ERP44: variants seen among roughly 807,000 people sequenced by gnomAD.
ERP44 encodes endoplasmic reticulum protein 44, also known as endoplasmic reticulum resident protein 44.
ERP44 carries 25 observed loss-of-function variants against 53.4 expected under a neutral mutation model. The ratio of observed to expected loss-of-function variants is 0.47; its 90% CI spans 0.34 to 0.65. The LOEUF (loss-of-function observed/expected upper bound fraction) is 0.65. Among genes scored for constraint, ERP44 ranks in the 30% least tolerant of loss-of-function variants. The pLI is 0.01. For synonymous variants in ERP44, 145 were observed against 161.2 expected, an observed-to-expected ratio of 0.90 and a Z score of 0.76; for missense variants, 338 against 493.2, an observed-to-expected ratio of 0.69 and a Z score of 2.98.
At chr9:100,028,355 T>A (rs1830675672) in intron 4 of ERP44, among the ~76,000 whole-genome samples, 3 of 152,170 alleles carry the variant, frequency 2.0e-5, no homozygotes, top group Non-Finnish European at 4.4e-5. Flanking sequence ...ACTTTCTAGA[T>A]TCAAGGCAGC....
intron 4 of ERP44, among the ~76,000 whole-genome samples, chr9:100,037,983 A>G (rs1215556796): frequency 1.3e-5 from 2 of 152,204 alleles, no homozygotes; most frequent in East Asian, 3.8e-4. Flanking sequence ...ATAGTGGGAT[A>G]ACATCCCACT....
Position 100,016,478 on chromosome 9 carries a change from G to T in ERP44, c.646-40C>A, listed in dbSNP as rs1403178946. 7.1e-6 allele frequency: 11 copies of T among 1,547,274 alleles called. 1 individual carries two copies. In the South Asian group the frequency reaches 1.4e-4, roughly 19 times the overall value. On this transcript the variant is annotated intron_variant, in intron 7 of 11. Coordinates refer to ENST00000262455, the MANE Select transcript of ERP44 (RefSeq NM_015051.3). The stretch of plus-strand genomic sequence containing the variant: ...AAAAAAAAAATTAAATCTAACCTGT[G>T]CTGGCAAAAGTATATTCTTATTTTT...
chr9:100,089,169 T>A (rs913650372), intron 1 of ERP44, among the ~76,000 whole-genome samples: 5 of 152,228 alleles, frequency 3.3e-5, no homozygotes, highest in Non-Finnish European at 7.3e-5. Context: ...ACTGCAGACA[T>A]AACCCGCCCC....
At chr9:100,060,609 G>C (rs903405887) in intron 1 of ERP44, among the ~76,000 whole-genome samples, 1 of 152,156 alleles carries the variant, frequency 6.6e-6, no homozygotes, top group Non-Finnish European at 1.5e-5. Flanking sequence ...ATGCAAGAAA[G>C]ACTTTTGCAA....
chr9:100,018,351 A>G, intron 6 of ERP44, 38 bp from the exon 7 acceptor site: 1 of 1,267,798 alleles, frequency 7.9e-7, no homozygotes, highest in South Asian at 1.2e-5. Context: ...CCTGAATGAC[A>G]GAATTTTGCA....
chr9:100,047,376 C>G (rs1409478115), intron 4 of ERP44, among the ~76,000 whole-genome samples: 1 of 152,118 alleles, frequency 6.6e-6, no homozygotes, highest in African/African-American at 2.4e-5. Context: ...AACAGACATA[C>G]AGACCATGGT....
chr9:100,057,143 A>T (rs1368073840), intron 3 of ERP44, among the ~76,000 whole-genome samples: 1 of 152,210 alleles, frequency 6.6e-6, no homozygotes, highest in East Asian at 1.9e-4. Flanking sequence ...GGGTCAGATA[A>T]GATACAGAGT....
intron 4 of ERP44, among the ~76,000 whole-genome samples, chr9:100,031,428 G>T (rs372634864): frequency 9.8e-5 from 15 of 152,340 alleles, no homozygotes; most frequent in Middle Eastern, 6.8e-3. Flanking sequence ...CAATGCTGTA[G>T]CTTAGTAGCT....
chr9:100,053,738 G>A (rs547909490), intron 3 of ERP44, among the ~76,000 whole-genome samples: 1 of 152,242 alleles, frequency 6.6e-6, no homozygotes, highest in South Asian at 2.1e-4. Context: ...GTAATTAAAG[G>A]GACCCAATAA....
At chr9:100,060,951 A>G (rs1826139203) in intron 1 of ERP44, among the ~76,000 whole-genome samples, 1 of 152,180 alleles carries the variant, frequency 6.6e-6, no homozygotes, top group African/African-American at 2.4e-5. Flanking sequence ...CACTTACTAA[A>G]TCATTGCTTT....
rs1830139991 is a variant in ERP44, at chr9:99,980,687, A to ACAT, written c.*1922_*1924dup. On this transcript the variant is annotated 3_prime_UTR_variant, in exon 12 of 12. Coordinates refer to ENST00000262455, the MANE Select transcript of ERP44 (RefSeq NM_015051.3). ...GAAATTCTAGGCACTAGTGATACAG[A>ACAT]CATTAAATTTAGTTTCCTTGTCCTC... is the stretch of plus-strand genomic sequence containing the variant. 6.6e-6 allele frequency: 1 copy of ACAT among 152,208 alleles called. No individual in the cohort carries two copies. The highest frequency in any genetic ancestry group is 2.4e-5 in the African/African-American group (1 of 41,458). The allele number at this position is 152,208 out of a possible 1,614,324, so 9.4% of individuals were successfully genotyped here. A position where few individuals can be genotyped will look rare whatever the true frequency, so the allele number is the denominator to read the frequency against.
intron 6 of ERP44, among the ~76,000 whole-genome samples, 196 bp from the exon 7 acceptor site, chr9:100,018,509 G>A (rs145790757): frequency 3.6e-4 from 55 of 152,170 alleles, no homozygotes; most frequent in African/African-American, 1.2e-3. Flanking sequence ...TTGTTTTTGT[G>A]TTTTGTGTAA....
In ERP44 at chr9:99,983,443, G is replaced by T. The variant is rs545106099; in HGVS notation, c.1120-730C>A. ...GCCTGTAGTCCCAGCTACTCGGGAG[G>T]CTGAGGCAGGAGAATGGCGTGAACC... On this transcript the variant is annotated intron_variant, in intron 11 of 11. Coordinates refer to ENST00000262455, the MANE Select transcript of ERP44 (RefSeq NM_015051.3). Among the ~76,000 whole-genome samples the T allele has an allele frequency of 1.3e-4, 20 of 151,428 alleles. No individual in the cohort carries two copies. In the East Asian group the frequency reaches 3.3e-3, roughly 25 times the overall value.
At chr9:100,044,381 G>A (rs750976800) in intron 4 of ERP44, among the ~76,000 whole-genome samples, 4 of 151,512 alleles carry the variant, frequency 2.6e-5, no homozygotes, top group Middle Eastern at 3.4e-3. Flanking sequence ...GCTACTACTA[G>A]TTGTTTCCAT....
At chr9:100,072,214 C>T (rs1488547616) in intron 1 of ERP44, among the ~76,000 whole-genome samples, 8 of 152,126 alleles carry the variant, frequency 5.3e-5, no homozygotes, top group Non-Finnish European at 1.0e-4. Flanking sequence ...TTCATTACTA[C>T]CACATAGTAG....
rs555546122 is a variant in ERP44 at position 99,999,470 on chromosome 9, C to T, written c.1016+7036G>A. Among the ~76,000 whole-genome samples, 4 of 152,226 alleles carry T rather than the reference C, an allele frequency of 2.6e-5. No homozygotes were observed. In the East Asian group the frequency reaches 7.7e-4, roughly 29 times the overall value. Reference sequence around the variant, plus strand: ...GAGCACTTTTTCATATACCTATTGGCCGCTTGTGTGTCTTATTTTGAGAAA... The same window carrying T: ...GAGCACTTTTTCATATACCTATTGGTCGCTTGTGTGTCTTATTTTGAGAAA... On this transcript the variant is annotated intron_variant, in intron 10 of 11. Transcript: ENST00000262455.
At chr9:99,985,273 T>G (rs1392315563) in intron 10 of ERP44, among the ~76,000 whole-genome samples, 1 of 152,232 alleles carries the variant, frequency 6.6e-6, no homozygotes, top group Non-Finnish European at 1.5e-5. Flanking sequence ...ATTCCTGTAC[T>G]TGTTTCATAG....
intron 4 of ERP44, among the ~76,000 whole-genome samples, chr9:100,024,335 T>TAAA (rs34537356): frequency 7.4e-6 from 1 of 135,102 alleles, no homozygotes; most frequent in African/African-American, 3.1e-5. Context: ...CAAGACAAGT[T>TAAA]AAAAAAAAAA....
intron 4 of ERP44, among the ~76,000 whole-genome samples, chr9:100,044,391 T>C (rs1825945997): frequency 6.6e-6 from 1 of 152,102 alleles, no homozygotes; most frequent in Non-Finnish European, 1.5e-5. Flanking sequence ...GTTGTTTCCA[T>C]AGGCTAGAAT....
Sources: gnomAD v4.1 joint callset for allele counts (sites outside exome capture counted in the v4.1 genomes callset) on GRCh38, gnomAD v4.1.1 for gene constraint, MANE v1.5 for transcripts, NCBI Gene and HGNC (gene_info 2026-07-23, HGNC 2026-07-21) for gene names.